The following FBXO28 variants were observed in gnomAD, a reference collection of about 807,000 sequenced individuals.
FBXO28 encodes F-box protein 28, also known as F-box only protein 28.
A neutral mutation model predicts 38.1 loss-of-function variants in FBXO28; 8 were observed. The ratio of observed to expected loss-of-function variants is 0.21; its 90% CI spans 0.12 to 0.38. The LOEUF (loss-of-function observed/expected upper bound fraction) is 0.38. Ranked by LOEUF, FBXO28 falls within the 10% of genes least tolerant of loss-of-function variation. The pLI is 1.00. For synonymous variants in FBXO28, 168 were observed against 173.8 expected, an observed-to-expected ratio of 0.97 and a Z score of 0.26; for missense variants, 345 against 460.6, an observed-to-expected ratio of 0.75 and a Z score of 2.30.
intron 1 of FBXO28, among the ~76,000 whole-genome samples, chr1:224,126,605 AG>A (rs2102614005): frequency 6.6e-6 from 1 of 152,302 alleles, no homozygotes; most frequent in Admixed American, 6.5e-5. Context: ...ACTTGAGGTC[AG>A]GAGTTCCAGA....
intron 3 of FBXO28, among the ~76,000 whole-genome samples, chr1:224,141,328 A>C (rs1260269218): frequency 1.3e-5 from 2 of 151,656 alleles, no homozygotes; most frequent in African/African-American, 2.4e-5. Flanking sequence ...AAAATTAGCC[A>C]GGCATGGTGG....
intron 1 of FBXO28, among the ~76,000 whole-genome samples, chr1:224,120,427 T>TA (rs1330553003): frequency 6.6e-6 from 1 of 152,264 alleles, no homozygotes; most frequent in Non-Finnish European, 1.5e-5. Context: ...TTATTGCACT[T>TA]ACTACATTGG....
intron 3 of FBXO28, among the ~76,000 whole-genome samples, chr1:224,144,146 T>G (rs553559981): frequency 9.7e-5 from 8 of 82,364 alleles, no homozygotes; most frequent in South Asian, 5.6e-4. Flanking sequence ...AGAATGAAAC[T>G]ATGTCTCAAA....
Position 224,138,551 on chromosome 1 carries a change from T to C in FBXO28, c.516+4339T>C, listed in dbSNP as rs371793449. Among the ~76,000 whole-genome samples the C allele has an allele frequency of 3.8e-4, 58 of 151,994 alleles. No individual in the cohort carries two copies. The South Asian group carries it at 0.012, about 31-fold the overall frequency. Reference sequence around the variant, plus strand: ...TATAGAATGTTGGCTTACTCCTGTATACATTTCTCAAATCTTCTATCTAAC... The same window carrying C: ...TATAGAATGTTGGCTTACTCCTGTACACATTTCTCAAATCTTCTATCTAAC... On this transcript the variant is annotated intron_variant, in intron 3 of 4. Transcript: ENST00000366862.
chr1:224,148,669 G>GAA (rs1240562426), intron 3 of FBXO28, among the ~76,000 whole-genome samples: 1 of 135,402 alleles, frequency 7.4e-6, no homozygotes, highest in Non-Finnish European at 1.6e-5. Context: ...CTCAAAAAAA[G>GAA]AAAAAAAAAA....
At chr1:224,146,030 C>T (rs1003982765) in intron 3 of FBXO28, among the ~76,000 whole-genome samples, 4 of 151,278 alleles carry the variant, frequency 2.6e-5, no homozygotes, top group African/African-American at 9.7e-5. Flanking sequence ...TGTGGCATTG[C>T]CCTCCAGCCT....
chr1:224,145,765 G>A (rs951725081), intron 3 of FBXO28, among the ~76,000 whole-genome samples: 4 of 151,800 alleles, frequency 2.6e-5, no homozygotes, highest in Admixed American at 2.0e-4. Flanking sequence ...TCTACTAAAA[G>A]TACAAAAATT....
In FBXO28 at chr1:224,158,696, A is replaced by G. The variant is rs1465484493; in HGVS notation, c.*950A>G. 1.3e-5 allele frequency: 2 copies of G among 152,166 alleles called. No homozygotes were observed. Among genetic ancestry groups the G allele is most frequent in the African/African-American group, 2.4e-5 (1 of 41,428 alleles). 9.4% of individuals were successfully genotyped at this position (152,166 alleles called of 1,614,324 possible). On this transcript the variant is annotated 3_prime_UTR_variant, in exon 5 of 5. Coordinates refer to ENST00000366862, the MANE Select transcript of FBXO28 (RefSeq NM_015176.4). ...AAATTTCAAGGCTCTTTCTATCAAT[A>G]TTGGACCTCTGGGAGCTAATACTCC... is the stretch of plus-strand genomic sequence containing the variant.
chr1:224,146,887 T>C (rs1657520831), intron 3 of FBXO28, among the ~76,000 whole-genome samples: 1 of 151,172 alleles, frequency 6.6e-6, no homozygotes, highest in Admixed American at 6.6e-5. Flanking sequence ...TTTGTATTTT[T>C]AGTAGAGACA....
intron 3 of FBXO28, among the ~76,000 whole-genome samples, chr1:224,135,108 T>C (rs1657142566): frequency 6.6e-6 from 1 of 152,238 alleles, no homozygotes; most frequent in South Asian, 2.1e-4. Flanking sequence ...CTTTGCATTA[T>C]ATACATTTTC....
chr1:224,149,366 A>AT (rs1657587233), intron 3 of FBXO28, among the ~76,000 whole-genome samples: 1 of 150,334 alleles, frequency 6.7e-6, no homozygotes, highest in Non-Finnish European at 1.5e-5. Flanking sequence ...TAATTTTTTA[A>AT]TTTTTTGTAG....
Position 224,142,616 on chromosome 1 carries a change from G to A in FBXO28, c.516+8404G>A, listed in dbSNP as rs113188259. Among the ~76,000 whole-genome samples, 558 of 152,168 alleles carry A rather than the reference G, an allele frequency of 3.7e-3. 6 individuals carry two copies. Among genetic ancestry groups the A allele is most frequent in the African/African-American group, 0.013 (532 of 41,522 alleles). The stretch of plus-strand genomic sequence containing the variant: ...GGATCACCTGAGGTCAGGAGTTCAA[G>A]ACCAGCCTGGCCAACATGGTGAAGC... On this transcript the variant is annotated intron_variant, in intron 3 of 4. Transcript: ENST00000366862.
Position 224,160,654 on chromosome 1 carries a change from C to T in FBXO28, c.*2908C>T. ...GAGCAAACGCAAATGTATTGAGAGT[C>T]ATTATACTTTAAAATAGTTTTAAAG... On this transcript the variant is annotated 3_prime_UTR_variant, in exon 5 of 5. Transcript: ENST00000366862. 6.6e-6 allele frequency: 1 copy of T among 150,476 alleles called. No homozygotes were observed. Among genetic ancestry groups the T allele is most frequent in the East Asian group, 1.9e-4 (1 of 5,182 alleles). 9.3% of individuals were successfully genotyped at this position (150,476 alleles called of 1,614,324 possible). A position where few individuals can be genotyped will look rare whatever the true frequency, so the allele number is the denominator to read the frequency against.
Position 224,157,455 on chromosome 1 carries a change from T to C in FBXO28, c.816T>C (p.Gly272=). The C allele has an allele frequency of 2.5e-6, 4 of 1,614,208 alleles. No homozygotes were observed. Among genetic ancestry groups the C allele is most frequent in the Non-Finnish European group, 3.4e-6 (4 of 1,180,046 alleles). Residue 272 remains glycine (G), a synonymous_variant, in exon 5 of 5, where the codon GGT becomes GGC. Coordinates refer to ENST00000366862, the MANE Select transcript of FBXO28 (RefSeq NM_015176.4). ...TCCAGCAGCAGGTTAAAACAAATGG[T>C]GCTGGCGTGACTGTTCTCAGGCGTG... The part of the protein sequence containing the change: ...TKLQQQVKTN[G]AGVTVLRREI...
chr1:224,151,270 C>T (rs1215153416), intron 3 of FBXO28, among the ~76,000 whole-genome samples: 1 of 152,150 alleles, frequency 6.6e-6, no homozygotes, highest in Non-Finnish European at 1.5e-5. Context: ...CAAAATCACA[C>T]ATCTCATCTC....
rs1415717672 is a variant in FBXO28 at position 224,136,564 on chromosome 1, A to T, written c.516+2352A>T. Among the ~76,000 whole-genome samples, 9 of 150,174 alleles carry T rather than the reference A, an allele frequency of 6.0e-5. No individual in the cohort carries two copies. In the East Asian group the frequency reaches 1.6e-3, roughly 27 times the overall value. On this transcript the variant is annotated intron_variant, in intron 3 of 4. Transcript: ENST00000366862. ...TGGTGAAACCCCATCTCTACTAAAA[A>T]TACAAAAAAAAAAACTAGCTGGGCA...
intron 4 of FBXO28, among the ~76,000 whole-genome samples, chr1:224,154,580 G>A (rs1245661123): frequency 2.0e-5 from 3 of 152,024 alleles, no homozygotes; most frequent in African/African-American, 4.8e-5. Context: ...AGGCCAAGGC[G>A]GGCGGATCAC....
chr1:224,117,997 A>AT (rs1261313118), intron 1 of FBXO28, among the ~76,000 whole-genome samples: 253 of 72,900 alleles, frequency 3.5e-3, no homozygotes, highest in African/African-American at 5.6e-3. Flanking sequence ...TAATTAATTA[A>AT]TTAATTTATT....
At chr1:224,130,425 C>G in intron 1 of FBXO28, 47 bp from the exon 2 acceptor site, 7 of 1,249,890 alleles carry the variant, frequency 5.6e-6, no homozygotes, top group Non-Finnish European at 8.1e-6. Flanking sequence ...TCTCAGTTGT[C>G]TCTTATTAAT....
Sources: gnomAD v4.1 joint callset for allele counts (sites outside exome capture counted in the v4.1 genomes callset) on GRCh38, gnomAD v4.1.1 for gene constraint, MANE v1.5 for transcripts, NCBI Gene and HGNC (gene_info 2026-07-23, HGNC 2026-07-21) for gene names.